The following FSTL4 variants were observed in gnomAD, a reference collection of about 807,000 sequenced individuals.
FSTL4 encodes the protein follistatin-related protein 4.
A neutral mutation model predicts 78.2 loss-of-function variants in FSTL4; 28 were observed. The ratio of observed to expected loss-of-function variants is 0.36; its 90% CI spans 0.27 to 0.49. The LOEUF (loss-of-function observed/expected upper bound fraction) is 0.49. FSTL4 is among the 20% of genes least tolerant of loss of function. FSTL4 has a pLI of 0.98. For missense variants in FSTL4, 922 were observed against 1,084.9 expected, an observed-to-expected ratio of 0.85 and a Z score of 2.11; for synonymous variants, 422 against 440.5, an observed-to-expected ratio of 0.96 and a Z score of 0.53.
At chr5:133,476,826 T>C (rs1757935159) in intron 3 of FSTL4, among the ~76,000 whole-genome samples, 1 of 152,220 alleles carries the variant, frequency 6.6e-6, no homozygotes, top group African/African-American at 2.4e-5. Flanking sequence ...GAGACACTCA[T>C]TGAGCCATCT....
the FSTL4 span, among the ~76,000 whole-genome samples, chr5:133,697,330 C>T: frequency 1.7e-3 from 266 of 152,254 alleles, no homozygotes; most frequent in Middle Eastern, 0.01. Context: ...CCCAATTCAG[C>T]GCCCACTCTC....
the FSTL4 span, among the ~76,000 whole-genome samples, chr5:133,825,793 G>C: frequency 6.6e-6 from 1 of 152,236 alleles, no homozygotes; most frequent in Admixed American, 6.5e-5. Context: ...AGCTCCAGCT[G>C]TCGGTGACAT....
chr5:133,530,958 A>G (rs574146530), intron 3 of FSTL4, among the ~76,000 whole-genome samples: 1 of 152,298 alleles, frequency 6.6e-6, no homozygotes, highest in Non-Finnish European at 1.5e-5. Context: ...AATGCTGCGC[A>G]AGCCTGGACC....
At chr5:133,802,247 G>A in the FSTL4 span, among the ~76,000 whole-genome samples, 2 of 152,166 alleles carry the variant, frequency 1.3e-5, no homozygotes, top group Non-Finnish European at 2.9e-5. Flanking sequence ...TGACCAAATC[G>A]ATGCATAATT....
chr5:133,246,843 A>G (rs1752050588), intron 7 of FSTL4: 1 of 152,270 alleles, frequency 6.6e-6, no homozygotes, highest in African/African-American at 2.4e-5. Flanking sequence ...AATAGCATTT[A>G]TAGAACACCA....
intron 3 of FSTL4, among the ~76,000 whole-genome samples, chr5:133,504,290 C>T (rs1758566812): frequency 6.6e-6 from 1 of 152,102 alleles, no homozygotes; most frequent in Non-Finnish European, 1.5e-5. Flanking sequence ...ATCCCTGAAG[C>T]TCCTTTTTCA....
At position 133,294,979 on chromosome 5, in the gene FSTL4, T is replaced by C. The variant is rs1035043881; in HGVS notation, c.727+17675A>G. Among the ~76,000 whole-genome samples, 66 of 152,188 alleles carry C rather than the reference T, an allele frequency of 4.3e-4. 1 individual carries two copies. Among genetic ancestry groups the C allele is most frequent in the African/African-American group, 1.5e-3 (63 of 41,444 alleles). On this transcript the variant is annotated intron_variant, in intron 6 of 15. Transcript: ENST00000265342. ...CTTATACCCGGGTAGCTGAACATGC[T>C]GGGGAAACGGCCACCCTGCTGACTA... is the stretch of plus-strand genomic sequence containing the variant.
chr5:133,548,384 A>G (rs1759624763), intron 3 of FSTL4, among the ~76,000 whole-genome samples: 1 of 152,190 alleles, frequency 6.6e-6, no homozygotes, highest in South Asian at 2.1e-4. Flanking sequence ...CCAGGGGGTT[A>G]GTGGCAGAAA....
the FSTL4 span, among the ~76,000 whole-genome samples, chr5:133,839,081 C>G: frequency 6.6e-6 from 1 of 152,280 alleles, no homozygotes; most frequent in East Asian, 1.9e-4. Flanking sequence ...AAAAGACTGC[C>G]GTGACTGTGT....
chr5:133,581,107 T>C (rs1217604128), intron 2 of FSTL4, among the ~76,000 whole-genome samples: 7 of 152,224 alleles, frequency 4.6e-5, no homozygotes, highest in Non-Finnish European at 1.0e-4. Flanking sequence ...ATTGTACCAC[T>C]ATAACACTTA....
At chr5:133,292,588 C>T (rs1164184367) in intron 6 of FSTL4, among the ~76,000 whole-genome samples, 1 of 151,510 alleles carries the variant, frequency 6.6e-6, no homozygotes, top group Non-Finnish European at 1.5e-5. Context: ...AAGTAGCAAA[C>T]TCATCATTTG....
chr5:133,707,393 T>G, the FSTL4 span, among the ~76,000 whole-genome samples: 6 of 152,180 alleles, frequency 3.9e-5, no homozygotes, highest in African/African-American at 1.4e-4. Flanking sequence ...AAAAGGTCAA[T>G]CAATCACTCC....
At chr5:133,638,622 A>C in the FSTL4 span, among the ~76,000 whole-genome samples, 3 of 151,726 alleles carry the variant, frequency 2.0e-5, no homozygotes, top group Non-Finnish European at 4.4e-5. Flanking sequence ...GCCTCCCTAA[A>C]ATTTCAGCTC....
At chr5:133,249,660 T>C (rs1323352627) in intron 6 of FSTL4, 84 bp from the exon 7 acceptor site, 3 of 1,116,574 alleles carry the variant, frequency 2.7e-6, no homozygotes, top group South Asian at 1.4e-5. Flanking sequence ...ATGAATTTCC[T>C]GGGTGGAAGA....
intron 3 of FSTL4, among the ~76,000 whole-genome samples, chr5:133,557,118 G>A (rs1195700930): frequency 6.6e-6 from 1 of 152,202 alleles, no homozygotes; most frequent in Non-Finnish European, 1.5e-5. Context: ...CCAATCGCTG[G>A]AGGCAGCTGT....
intron 2 of FSTL4, among the ~76,000 whole-genome samples, chr5:133,579,963 T>TG (rs1760365852): frequency 6.6e-6 from 1 of 152,112 alleles, no homozygotes; most frequent in Non-Finnish European, 1.5e-5. Flanking sequence ...AAGGGCCGGC[T>TG]GGGAGCAGGA....
chr5:133,562,537 G>A (rs994933105), intron 3 of FSTL4, among the ~76,000 whole-genome samples: 2 of 152,160 alleles, frequency 1.3e-5, no homozygotes, highest in African/African-American at 2.4e-5. Context: ...GAGTGTGCAC[G>A]TGATGGTCAC....
chr5:133,777,062 A>T, the FSTL4 span, among the ~76,000 whole-genome samples: 1 of 152,194 alleles, frequency 6.6e-6, no homozygotes, highest in African/African-American at 2.4e-5. Flanking sequence ...ACCATGTACC[A>T]GGCACTGCAC....
At chr5:133,698,265 C>A in the FSTL4 span, among the ~76,000 whole-genome samples, 245 of 152,280 alleles carry the variant, frequency 1.6e-3, 1 homozygote, top group Admixed American at 2.9e-3. Flanking sequence ...CAGGGGCTGC[C>A]AGAAGCTTCC....
Sources: gnomAD v4.1 joint callset for allele counts (sites outside exome capture counted in the v4.1 genomes callset) on GRCh38, gnomAD v4.1.1 for gene constraint, MANE v1.5 for transcripts, NCBI Gene and HGNC (gene_info 2026-07-23, HGNC 2026-07-21) for gene names.